SYT9: variants seen among roughly 807,000 people sequenced by gnomAD.
The protein encoded by SYT9 is synaptotagmin 9, also known as synaptotagmin-9.
SYT9 carries 22 observed loss-of-function variants against 48.4 expected under a neutral mutation model. The ratio of observed to expected loss-of-function variants is 0.45; its 90% confidence interval spans 0.32 to 0.65. The LOEUF is 0.65. Among genes scored for constraint, SYT9 ranks in the 30% least tolerant of loss-of-function variants. The probability of loss-of-function intolerance (pLI) is 0.03; values close to 1 mark genes in which losing one functional copy is unlikely to be tolerated. For synonymous variants in SYT9, 265 were observed against 245.0 expected (o/e 1.08, Z -0.76); for missense variants, 577 against 622.0 (o/e 0.93, Z 0.77).
intron 1 of SYT9, among the ~76,000 whole-genome samples, chr11:7,257,848 C>T: frequency 6.6e-6 from 1 of 152,124 alleles, no homozygotes; most frequent in East Asian, 1.9e-4. Context: ...TGCGGGACTC[C>T]TCTACATGGA....
chr11:7,373,995 C>T (rs1048300727), intron 3 of SYT9, among the ~76,000 whole-genome samples: 11 of 152,036 alleles, frequency 7.2e-5, no homozygotes, highest in Non-Finnish European at 1.2e-4. Flanking sequence ...CATAGGTATA[C>T]ATTTGCCATG....
chr11:7,338,535 CTGTTA>C (rs1310900807), intron 3 of SYT9, among the ~76,000 whole-genome samples: 48 of 152,226 alleles, frequency 3.2e-4, no homozygotes, highest in African/African-American at 1.1e-3. Flanking sequence ...ACCAGAAATT[CTGTTA>C]TGTTGTGTCT....
At chr11:7,403,475 C>G (rs893583389) in intron 3 of SYT9, among the ~76,000 whole-genome samples, 2 of 152,084 alleles carry the variant, frequency 1.3e-5, no homozygotes, top group African/African-American at 4.8e-5. Context: ...TCTCTTGAGC[C>G]TAGGAGATTG....
At chr11:7,417,849 G>A (rs1564896707) in intron 4 of SYT9, 108 bp from the exon 5 acceptor site, 6 of 1,137,994 alleles carry the variant, frequency 5.3e-6, no homozygotes, top group Non-Finnish European at 6.2e-6. Flanking sequence ...CCACAGGCAG[G>A]TAAAGGAGTT....
intron 1 of SYT9, among the ~76,000 whole-genome samples, chr11:7,290,276 G>A (rs1318282053): frequency 6.6e-6 from 1 of 152,172 alleles, no homozygotes; most frequent in Non-Finnish European, 1.5e-5. Context: ...ATAGAAGCAA[G>A]ACTATTTGGA....
chr11:7,341,822 A>T (rs962619289), intron 3 of SYT9, among the ~76,000 whole-genome samples: 1 of 152,130 alleles, frequency 6.6e-6, no homozygotes, highest in Non-Finnish European at 1.5e-5. Flanking sequence ...TTTCATTTTC[A>T]TGCTGCTGAT....
chr11:7,331,684 C>T (rs533734760), intron 3 of SYT9, among the ~76,000 whole-genome samples: 10 of 152,074 alleles, frequency 6.6e-5, no homozygotes, highest in Middle Eastern at 3.2e-3. Flanking sequence ...ATGATTGTGC[C>T]ACTGCGCTCC....
intron 1 of SYT9, among the ~76,000 whole-genome samples, chr11:7,240,798 T>A (rs151268023): frequency 0.014 from 2,095 of 152,290 alleles, 17 homozygotes; most frequent in Non-Finnish European, 0.022. Context: ...TACCTCTTCT[T>A]CTAATTAAAC....
At chr11:7,251,132 A>ACACACACCCACC (rs146134507), upstream of SYT9, among the ~76,000 whole-genome samples, 2 of 127,852 alleles carry the variant, frequency 1.6e-5, no homozygotes, top group African/African-American at 5.2e-5. Context: ...ACACACACAC[A>ACACACACCCACC]CCCAGAGTAC....
At chr11:7,437,456 T>C (rs1201738135) in intron 6 of SYT9, among the ~76,000 whole-genome samples, 3 of 152,190 alleles carry the variant, frequency 2.0e-5, no homozygotes, top group African/African-American at 7.2e-5. Context: ...GTCACAATCA[T>C]TAAATTAATT....
chr11:7,352,669 G>C (rs978511883), intron 3 of SYT9, among the ~76,000 whole-genome samples: 1 of 152,148 alleles, frequency 6.6e-6, no homozygotes, highest in Non-Finnish European at 1.5e-5. Flanking sequence ...AAAATAATAT[G>C]ACATGTGCTC....
intron 3 of SYT9, among the ~76,000 whole-genome samples, chr11:7,351,548 G>A (rs1849915229): frequency 6.6e-6 from 1 of 152,082 alleles, no homozygotes; most frequent in Admixed American, 6.6e-5. Flanking sequence ...GATTTTATGG[G>A]GAAAGAAAGC....
chr11:7,241,151 C>A (rs540370512), intron 1 of SYT9, among the ~76,000 whole-genome samples: 1 of 151,830 alleles, frequency 6.6e-6, no homozygotes, highest in Admixed American at 6.6e-5. Context: ...CTCTACTGGC[C>A]AAGCCTAGAA....
intron 1 of SYT9, among the ~76,000 whole-genome samples, chr11:7,283,163 A>G (rs1848532922): frequency 2.7e-5 from 4 of 149,386 alleles, no homozygotes. Flanking sequence ...ATATATATAT[A>G]TACACACACA....
In SYT9 at chr11:7,252,201, G is replaced by C; in HGVS notation, c.15G>C (p.Arg5Ser). ...GCGGGGGGGCGATGCCCGGGGCCAG[G>C]GACGCGCTCTGTCACCAGGCGCTGC... MPGA[R>S]DALCHQALQL... The change falls in exon 1 of 7, where the codon AGG (arginine) becomes AGC (serine). Residue 5 changes from arginine to serine, a missense_variant. Transcript: ENST00000318881. This position sits in a 1 kb window ranked among gnomAD's most constrained non-coding sequence, Gnocchi z 6.3. 6.8e-7 allele frequency: 1 copy of C among 1,467,356 alleles called. No individual in the cohort carries two copies. Among genetic ancestry groups the C allele is most frequent in the Non-Finnish European group, 9.0e-7 (1 of 1,110,062 alleles). 90.9% of individuals were successfully genotyped at this position (1,467,356 alleles called of 1,614,324 possible). A position where few individuals can be genotyped will look rare whatever the true frequency, so the allele number is the denominator to read the frequency against.
intron 3 of SYT9, among the ~76,000 whole-genome samples, chr11:7,346,578 A>G (rs1159719080): frequency 6.6e-6 from 1 of 152,216 alleles, no homozygotes; most frequent in Non-Finnish European, 1.5e-5. Flanking sequence ...AGCATATGGA[A>G]GAGCCTCTGC....
At chr11:7,287,073 A>G (rs190167787) in intron 1 of SYT9, among the ~76,000 whole-genome samples, 28 of 152,330 alleles carry the variant, frequency 1.8e-4, no homozygotes, top group Middle Eastern at 3.4e-3. Context: ...TCATGCTGCC[A>G]TGAAGAAATA....
intron 3 of SYT9, among the ~76,000 whole-genome samples, chr11:7,336,983 G>T (rs1849641284): frequency 6.6e-6 from 1 of 152,118 alleles, no homozygotes; most frequent in Non-Finnish European, 1.5e-5. Context: ...CATGAGCACG[G>T]AATGTTTTTC....
intron 2 of SYT9, among the ~76,000 whole-genome samples, chr11:7,303,789 A>C (rs1416652027): frequency 6.6e-6 from 1 of 152,208 alleles, no homozygotes; most frequent in Non-Finnish European, 1.5e-5. Context: ...AACCAACACA[A>C]GAATCTGAGC....
Sources: allele counts gnomAD v4.1 joint callset (sites outside exome capture counted in the v4.1 genomes callset), GRCh38; gene constraint gnomAD v4.1.1; non-coding constraint Gnocchi (gnomAD v3.1); transcripts MANE v1.5; gene names NCBI Gene and HGNC (gene_info 2026-07-23, HGNC 2026-07-21).